The following SKP1 variants were observed in gnomAD, a reference collection of about 807,000 sequenced individuals.
The protein encoded by SKP1 is S-phase kinase associated protein 1.
Under a neutral mutation model 21.5 loss-of-function variants are expected in SKP1, and 1 was observed. The ratio of observed to expected loss-of-function variants is 0.05; its 90% CI spans 0.02 to 0.22. The LOEUF (loss-of-function observed/expected upper bound fraction) is 0.22. Ranked by LOEUF, SKP1 falls within the 10% of genes least tolerant of loss-of-function variation. SKP1 has a pLI of 1.00. For missense variants in SKP1, 70 were observed against 192.0 expected (o/e 0.36, Z 3.76); for synonymous variants, 59 against 59.3 (o/e 0.99, Z 0.03).
intron 3 of SKP1, among the ~76,000 whole-genome samples, chr5:134,166,218 T>C (rs17167345): frequency 0.082 from 12,304 of 149,890 alleles, 595 homozygotes; most frequent in Admixed American, 0.15. Flanking sequence ...TTAACTAACA[T>C]AGACATATCA....
rs138784946 is a variant in SKP1 at position 134,154,426 on chromosome 5, C to T, written c.*3307G>A. The T allele has an allele frequency of 0.019, 2,252 of 117,346 alleles. 67 individuals carry two copies. The highest frequency in any genetic ancestry group is 0.072 in the African/African-American group (2,141 of 29,926). The allele number at this position is 117,346 out of a possible 1,614,324, so 7.3% of individuals were successfully genotyped here. ...TCGCACCACTGCATTCCAGTCTGGG[C>T]GACAGAGTGAGACTCTGTCTCAAAA... is the stretch of plus-strand genomic sequence containing the variant. On this transcript the variant is annotated 3_prime_UTR_variant, in exon 6 of 6. Coordinates refer to ENST00000353411, the MANE Select transcript of SKP1 (RefSeq NM_170679.3).
Position 134,151,609 on chromosome 5 carries a change from G to A in SKP1, c.*6124C>T, listed in dbSNP as rs974033600. 2.2e-6 allele frequency: 1 copy of A among 451,756 alleles called. No individual in the cohort carries two copies. The highest frequency in any genetic ancestry group is 2.0e-5 in the African/African-American group (1 of 49,866). 28.0% of individuals were successfully genotyped at this position (451,756 alleles called of 1,614,324 possible). ...CTGCTATATAGCAGGTTGAAAATTT[G>A]AAGTTAAGAGATATCAGAAGGTCTG... On this transcript the variant is annotated 3_prime_UTR_variant, in exon 6 of 6. Transcript: ENST00000353411.
intron 1 of SKP1, 32 bp from the exon 2 acceptor site, chr5:134,174,054 A>AAG (rs760025134): frequency 6.1e-6 from 8 of 1,314,086 alleles, no homozygotes; most frequent in Admixed American, 1.7e-5. Flanking sequence ...TATAAAATTT[A>AAG]AGAGAGAGAG....
chr5:134,176,232 A>T (rs1761543041), intron 1 of SKP1, among the ~76,000 whole-genome samples: 6 of 152,176 alleles, frequency 3.9e-5, no homozygotes, highest in Admixed American at 3.9e-4. Context: ...TCATGGCAAA[A>T]CAACGCTAAG....
chr5:134,161,223 C>T, intron 3 of SKP1, 93 bp from the exon 4 acceptor site: 2 of 1,142,776 alleles, frequency 1.8e-6, no homozygotes, highest in Non-Finnish European at 2.5e-6. Context: ...GGAATAATAA[C>T]TAGCTAGAGG....
rs1044238884 is a variant in SKP1, at chr5:134,174,139, C to A, written c.1-117G>T. 39 of 672,484 alleles carry A rather than the reference C, an allele frequency of 5.8e-5. 1 individual carries two copies. The highest frequency in any genetic ancestry group is 9.9e-5 in the Non-Finnish European group (37 of 374,300). The allele number at this position is 672,484 out of a possible 1,614,324, so 41.7% of individuals were successfully genotyped here. A position where few individuals can be genotyped will look rare whatever the true frequency, so the allele number is the denominator to read the frequency against. ...TTGACCACAAAGTTCTAAGAACCTA[C>A]AATACATAACCCTGTAAAGCACTGT... On this transcript the variant is annotated intron_variant, in intron 1 of 5. Transcript: ENST00000353411.
At chr5:134,164,979 G>A (rs181174567) in intron 3 of SKP1, among the ~76,000 whole-genome samples, 42 of 150,660 alleles carry the variant, frequency 2.8e-4, no homozygotes, top group Middle Eastern at 3.4e-3. Flanking sequence ...ATGTATCCAG[G>A]ATAGCTAAAT....
rs1233517251 is a variant in SKP1 at position 134,156,265 on chromosome 5, G to T, written c.*1468C>A. 6.6e-6 allele frequency: 1 copy of T among 150,856 alleles called. No individual in the cohort carries two copies. Among genetic ancestry groups the T allele is most frequent in the Non-Finnish European group, 1.5e-5 (1 of 67,970 alleles). 9.3% of individuals were successfully genotyped at this position (150,856 alleles called of 1,614,324 possible). On this transcript the variant is annotated 3_prime_UTR_variant, in exon 6 of 6. Transcript: ENST00000353411. ...TGAGAGAGAGAGAGAGAGAGAGAGAGAATTTTAAATAACTCTTTACAACGT... is the reference window on the plus strand; with the variant it reads ...TGAGAGAGAGAGAGAGAGAGAGAGATAATTTTAAATAACTCTTTACAACGT...
At chr5:134,166,340 T>TGCGAG (rs1761330582) in intron 3 of SKP1, among the ~76,000 whole-genome samples, 1 of 151,594 alleles carries the variant, frequency 6.6e-6, no homozygotes, top group African/African-American at 2.4e-5. Flanking sequence ...CCCAGCACTT[T>TGCGAG]GCGAGGCTGA....
At chr5:134,158,345 C>CTAGT in intron 5 of SKP1, 110 bp downstream of exon 5, 2 of 1,594,492 alleles carry the variant, frequency 1.3e-6, no homozygotes, top group African/African-American at 2.7e-5. Context: ...TACATATTAT[C>CTAGT]CCTAAAGTAT....
Position 134,149,971 on chromosome 5 carries a change from C to T in SKP1, c.*7762G>A, listed in dbSNP as rs1761020020. On this transcript the variant is annotated 3_prime_UTR_variant, in exon 6 of 6. Coordinates refer to ENST00000353411, the MANE Select transcript of SKP1 (RefSeq NM_170679.3). ...ACCTCAAGTTCAACTGCTAATACCACACCAGTCCCCCTTCACTGCCAGCTG... is the reference window on the plus strand; with the variant it reads ...ACCTCAAGTTCAACTGCTAATACCATACCAGTCCCCCTTCACTGCCAGCTG... The T allele has an allele frequency of 6.6e-6, 1 of 152,118 alleles. No individual in the cohort carries two copies. The highest frequency in any genetic ancestry group is 1.5e-5 in the Non-Finnish European group (1 of 68,038). The allele number at this position is 152,118 out of a possible 1,614,324, so 9.4% of individuals were successfully genotyped here. A position where few individuals can be genotyped will look rare whatever the true frequency, so the allele number is the denominator to read the frequency against.
intron 2 of SKP1, among the ~76,000 whole-genome samples, chr5:134,169,758 T>C (rs916601046): frequency 3.3e-5 from 5 of 152,136 alleles, no homozygotes; most frequent in African/African-American, 9.7e-5. Context: ...TCCCAGCACT[T>C]TGGGAGGCAG....
rs1421262165 is a variant in SKP1, at chr5:134,155,236, A to G, written c.*2497T>C. 3 of 152,244 alleles carry G rather than the reference A, an allele frequency of 2.0e-5. No individual in the cohort carries two copies. Among genetic ancestry groups the G allele is most frequent in the African/African-American group, 7.2e-5 (3 of 41,472 alleles). The allele number at this position is 152,244 out of a possible 1,614,324, so 9.4% of individuals were successfully genotyped here. On this transcript the variant is annotated 3_prime_UTR_variant, in exon 6 of 6. Coordinates refer to ENST00000353411, the MANE Select transcript of SKP1 (RefSeq NM_170679.3). Reference sequence around the variant, plus strand: ...TAAGAGAGTAGCCAGAAATGAGTGGAGTTTTGAAGACTGAGGTTTGGCTAC... The same window carrying G: ...TAAGAGAGTAGCCAGAAATGAGTGGGGTTTTGAAGACTGAGGTTTGGCTAC...
intron 3 of SKP1, among the ~76,000 whole-genome samples, chr5:134,164,253 A>G (rs1355999268): frequency 1.3e-5 from 2 of 149,522 alleles, no homozygotes; most frequent in Non-Finnish European, 2.9e-5. Context: ...CCGGAGGCAG[A>G]GGCTGCAGTG....
rs1370689805 is a variant in SKP1 at position 134,153,005 on chromosome 5, C to CT, written c.*4727dup. The CT allele has an allele frequency of 5.3e-5, 8 of 152,244 alleles. No individual in the cohort carries two copies. The highest frequency in any genetic ancestry group is 1.2e-4 in the Non-Finnish European group (8 of 68,048). The allele number at this position is 152,244 out of a possible 1,614,324, so 9.4% of individuals were successfully genotyped here. On this transcript the variant is annotated 3_prime_UTR_variant, in exon 6 of 6. Transcript: ENST00000353411. ...TTTAAGGATTCAGCCATTTTGTAAG[C>CT]TTTCCCTTTGCTTGCAATCTTCTTA...
At chr5:134,167,357 G>A in intron 2 of SKP1, 114 bp from the exon 3 acceptor site, 1 of 696,140 alleles carries the variant, frequency 1.4e-6, no homozygotes, top group Admixed American at 2.5e-5. Context: ...TTCTACATCT[G>A]TGGATTCAAC....
Position 134,165,018 on chromosome 5 carries a change from C to T in SKP1, c.171+2152G>A, listed in dbSNP as rs760234414. On this transcript the variant is annotated intron_variant, in intron 3 of 5. Transcript: ENST00000353411. ...GATACAGAAAGTAGAATAGTGTTTA[C>T]CTAGCGTAATTTTTTTTTTTGAGGG... 2.1e-5 allele frequency among the ~76,000 whole-genome samples: 3 copies of T among 142,728 alleles called. No individual in the cohort carries two copies. The Admixed American group carries it at 2.2e-4, about 10-fold the overall frequency. 93.6% of individuals were successfully genotyped at this position (142,728 alleles called of 152,430 possible).
At position 134,151,888 on chromosome 5, in the gene SKP1, G is replaced by A. The variant is rs548845196; in HGVS notation, c.*5845C>T. 1.6e-5 allele frequency: 5 copies of A among 315,868 alleles called. No individual in the cohort carries two copies. The East Asian group carries it at 2.4e-4, about 15-fold the overall frequency. The allele number at this position is 315,868 out of a possible 1,614,324, so 19.6% of individuals were successfully genotyped here. Reference sequence around the variant, plus strand: ...AAGTGTGTCAAGCAAGAGCACCTTCGACAACACTTTTCGGCCACCACTAAT... The same window carrying A: ...AAGTGTGTCAAGCAAGAGCACCTTCAACAACACTTTTCGGCCACCACTAAT... On this transcript the variant is annotated 3_prime_UTR_variant, in exon 6 of 6. Transcript: ENST00000353411.
At position 134,155,319 on chromosome 5, in the gene SKP1, A is replaced by T. The variant is rs1458902842; in HGVS notation, c.*2414T>A. 6.6e-6 allele frequency: 1 copy of T among 152,244 alleles called. No individual in the cohort carries two copies. Among genetic ancestry groups the T allele is most frequent in the African/African-American group, 2.4e-5 (1 of 41,446 alleles). The allele number at this position is 152,244 out of a possible 1,614,324, so 9.4% of individuals were successfully genotyped here. ...TGAAAGCCTAGAAAAGTTCTAGTAGATATATTAAAGGAATAGTGGGCATAC... is the reference window on the plus strand; with the variant it reads ...TGAAAGCCTAGAAAAGTTCTAGTAGTTATATTAAAGGAATAGTGGGCATAC... On this transcript the variant is annotated 3_prime_UTR_variant, in exon 6 of 6. Transcript: ENST00000353411.
Sources: gnomAD v4.1 joint callset for allele counts (sites outside exome capture counted in the v4.1 genomes callset) on GRCh38, gnomAD v4.1.1 for gene constraint, MANE v1.5 for transcripts, NCBI Gene and HGNC (gene_info 2026-07-23, HGNC 2026-07-21) for gene names.